MTBP: variants seen among roughly 807,000 people sequenced by gnomAD.
The protein encoded by MTBP is mdm2-binding protein.
MTBP carries 101 observed loss-of-function variants against 117.0 expected under a neutral mutation model. The observed-to-expected ratio is 0.86, with a 90% CI of 0.73 to 1.02. The LOEUF is 1.02. MTBP is among the 50% of genes least tolerant of loss of function. The probability of loss-of-function intolerance (pLI) is 0.00; values close to 1 mark genes in which losing one functional copy is unlikely to be tolerated. For synonymous variants in MTBP, 350 were observed against 351.5 expected (o/e 1.00, Z 0.05); for missense variants, 970 against 1,030.9 (o/e 0.94, Z 0.81).
At chr8:120,447,701 T>C (rs572685654) in intron 2 of MTBP, among the ~76,000 whole-genome samples, 1 of 152,162 alleles carries the variant, frequency 6.6e-6, no homozygotes, top group South Asian at 2.1e-4. Context: ...TTTATGGAAA[T>C]AAAAAAATAG....
At chr8:120,501,884 G>T (rs1190289184) in intron 14 of MTBP, among the ~76,000 whole-genome samples, 1 of 152,092 alleles carries the variant, frequency 6.6e-6, no homozygotes, top group Non-Finnish European at 1.5e-5. Context: ...ATAGTTCACT[G>T]CAGTGTATTA....
rs574166006 is a variant in MTBP at position 120,461,389 on chromosome 8, G to A, written c.977+134G>A. 531 of 624,542 alleles carry A rather than the reference G, an allele frequency of 8.5e-4. 5 individuals carry two copies. Among genetic ancestry groups the A allele is most frequent in the South Asian group, 5.3e-3 (214 of 40,394 alleles). 38.7% of individuals were successfully genotyped at this position (624,542 alleles called of 1,614,324 possible). A position where few individuals can be genotyped will look rare whatever the true frequency, so the allele number is the denominator to read the frequency against. On this transcript the variant is annotated intron_variant, in intron 9 of 21. Coordinates refer to ENST00000305949, the MANE Select transcript of MTBP (RefSeq NM_022045.5). ...TCACTGTTTTAATGTTGATGTTCAA[G>A]TAGGCTGCTGGACTCCTTATTTTTG...
At chr8:120,478,285 G>A (rs540490971) in intron 11 of MTBP, among the ~76,000 whole-genome samples, 6 of 152,216 alleles carry the variant, frequency 3.9e-5, no homozygotes, top group African/African-American at 1.4e-4. Flanking sequence ...GATAGCATTA[G>A]GAGAAATACC....
intron 13 of MTBP, among the ~76,000 whole-genome samples, chr8:120,494,142 C>T (rs7824600): frequency 0.63 from 96,482 of 151,944 alleles, 31,180 homozygotes; most frequent in Non-Finnish European, 0.7. Flanking sequence ...AGTAGAACCT[C>T]GACATTGGTT....
chr8:120,475,357 T>C (rs1212680201), intron 11 of MTBP, among the ~76,000 whole-genome samples: 1 of 151,944 alleles, frequency 6.6e-6, no homozygotes. Context: ...AAATAATGAG[T>C]GAAGTATATA....
chr8:120,500,577 CT>C (rs1424098877), intron 14 of MTBP, among the ~76,000 whole-genome samples: 1 of 152,072 alleles, frequency 6.6e-6, no homozygotes, highest in Non-Finnish European at 1.5e-5. Flanking sequence ...AAGCTCATTA[CT>C]TTTTAAAATA....
At chr8:120,461,130 A>T in intron 8 of MTBP, 31 bp from the exon 9 acceptor site, 1 of 1,428,632 alleles carries the variant, frequency 7.0e-7, no homozygotes, top group Non-Finnish European at 9.8e-7. Flanking sequence ...TATGGTATTT[A>T]AATATTACAC....
At chr8:120,450,107 A>G (rs1813307227) in intron 2 of MTBP, among the ~76,000 whole-genome samples, 1 of 152,154 alleles carries the variant, frequency 6.6e-6, no homozygotes, top group Non-Finnish European at 1.5e-5. Flanking sequence ...GACAGAAGGG[A>G]GCAGACTGAA....
At chr8:120,490,350 T>C in intron 12 of MTBP, 113 bp from the exon 13 acceptor site, 1 of 648,686 alleles carries the variant, frequency 1.5e-6, no homozygotes, top group Non-Finnish European at 2.7e-6. Flanking sequence ...AGGTGAGTGA[T>C]TGACTTTTAT....
intron 11 of MTBP, among the ~76,000 whole-genome samples, chr8:120,478,132 T>G (rs1046875949): frequency 1.3e-5 from 2 of 152,150 alleles, no homozygotes; most frequent in African/African-American, 4.8e-5. Context: ...AAACCGTCAT[T>G]CTCATCAAAC....
At chr8:120,482,115 T>C (rs919393407) in intron 11 of MTBP, among the ~76,000 whole-genome samples, 1 of 39,200 alleles carries the variant, frequency 2.6e-5, no homozygotes, top group Non-Finnish European at 1.3e-4. Context: ...ATCTCTGGGG[T>C]GGACCCAGGG....
chr8:120,480,837 T>G (rs992787497), intron 11 of MTBP, among the ~76,000 whole-genome samples: 3 of 152,086 alleles, frequency 2.0e-5, no homozygotes, highest in Non-Finnish European at 2.9e-5. Flanking sequence ...GAAAACAAAT[T>G]TATAAAGTAG....
chr8:120,522,667 C>A lies in MTBP; in HGVS notation c.2624C>A (p.Ser875Ter). The A allele has an allele frequency of 6.2e-7, 1 of 1,603,430 alleles. No homozygotes were observed. Among genetic ancestry groups the A allele is most frequent in the Admixed American group, 1.7e-5 (1 of 59,368 alleles). ...TATTATGTTTAGGATCTTAAAACTT[C>A]AAGGGGTCTATTTGAAGAAATGAAG... ...SKFYLKDLKT[S>*]RGLFEEMKKT... Residue 875 changes from serine (S) to a stop codon, truncating the protein, a stop_gained, in exon 21 of 22, where the codon TCA (serine) becomes TAA (stop). Coordinates refer to ENST00000305949, the MANE Select transcript of MTBP (RefSeq NM_022045.5). LOFTEE classifies it high-confidence loss of function.
chr8:120,466,867 C>G (rs1813705909), intron 10 of MTBP, among the ~76,000 whole-genome samples: 1 of 152,064 alleles, frequency 6.6e-6, no homozygotes, highest in African/African-American at 2.4e-5. Context: ...GAGCGAGACT[C>G]CGTCTCAAAA....
chr8:120,522,625 T>G, intron 20 of MTBP, 29 bp from the exon 21 acceptor site: 1 of 1,404,840 alleles, frequency 7.1e-7, no homozygotes, highest in Non-Finnish European at 9.9e-7. Flanking sequence ...ATGTGCAGAT[T>G]GTAAAATGCT....
At chr8:120,487,699 C>G (rs897494276) in intron 11 of MTBP, among the ~76,000 whole-genome samples, 1 of 152,212 alleles carries the variant, frequency 6.6e-6, no homozygotes, top group Non-Finnish European at 1.5e-5. Flanking sequence ...GCTCTCCATT[C>G]CCTCTGTAAA....
In MTBP at chr8:120,497,820, T is replaced by C. The variant is rs191020007; in HGVS notation, c.1609+266T>C. On this transcript the variant is annotated intron_variant, in intron 14 of 21. Transcript: ENST00000305949. ...GGGCAGAGGAAGAAGCACTTTAAGATGATGCCTCTCTTTAGTCTTACTAAG... is the reference window on the plus strand; with the variant it reads ...GGGCAGAGGAAGAAGCACTTTAAGACGATGCCTCTCTTTAGTCTTACTAAG... Among the ~76,000 whole-genome samples the C allele has an allele frequency of 2.0e-5, 3 of 152,334 alleles. No individual in the cohort carries two copies. The East Asian group carries it at 5.8e-4, about 29-fold the overall frequency.
In MTBP at chr8:120,446,640, A is replaced by G. The variant is rs373956110; in HGVS notation, c.199+127A>G. On this transcript the variant is annotated intron_variant, in intron 2 of 21. Transcript: ENST00000305949. Reference sequence around the variant, plus strand: ...GTGTACAAGGCACTGAGTTACAGAGATAACTAAGGGAGTACAAAACTGAAA... The same window carrying G: ...GTGTACAAGGCACTGAGTTACAGAGGTAACTAAGGGAGTACAAAACTGAAA... The G allele has an allele frequency of 6.8e-4, 423 of 621,586 alleles. 4 individuals carry two copies. Among genetic ancestry groups the G allele is most frequent in the African/African-American group, 6.8e-3 (376 of 55,368 alleles). 38.5% of individuals were successfully genotyped at this position (621,586 alleles called of 1,614,324 possible). A position where few individuals can be genotyped will look rare whatever the true frequency, so the allele number is the denominator to read the frequency against.
In MTBP at chr8:120,488,213, G is replaced by A. The variant is rs1563797432; in HGVS notation, c.1220G>A (p.Gly407Asp). 1.3e-6 allele frequency: 2 copies of A among 1,595,690 alleles called. No homozygotes were observed. The highest frequency in any genetic ancestry group is 1.2e-5 in the South Asian group (1 of 86,918). Residue 407 changes from glycine to aspartate, a missense_variant, in exon 12 of 22, where the codon GGT becomes GAT. By Grantham distance (94) the Gly-to-Asp change is moderately conservative (BLOSUM62 -1). Transcript: ENST00000305949. ...TCTAGCTATTATCTCTTGTTACAAG[G>A]TAATGGCAATAGAAGATGTAAAGCC... is the stretch of plus-strand genomic sequence containing the variant. ...ECSSYYLLLQGNGNRRCKATL... is the reference protein window; with the variant it reads ...ECSSYYLLLQDNGNRRCKATL...
Sources: gnomAD v4.1 joint callset for allele counts (sites outside exome capture counted in the v4.1 genomes callset) on GRCh38, gnomAD v4.1.1 for gene constraint, MANE v1.5 for transcripts, NCBI Gene and HGNC (gene_info 2026-07-23, HGNC 2026-07-21) for gene names.